Variants in GSK3B observed in about 807,000 individuals in gnomAD.
GSK3B encodes glycogen synthase kinase-3 beta.
A neutral mutation model predicts 56.4 loss-of-function variants in GSK3B; 15 were observed. The ratio of observed to expected loss-of-function variants is 0.27; its 90% confidence interval spans 0.18 to 0.41. The LOEUF (loss-of-function observed/expected upper bound fraction) is 0.41, where lower values mean the gene tolerates loss of function less well. GSK3B is among the 10% of genes least tolerant of loss of function. GSK3B has a pLI of 1.00. For missense variants in GSK3B, 300 were observed against 513.4 expected (o/e 0.58, Z 4.02); for synonymous variants, 181 against 188.9 (o/e 0.96, Z 0.34).
chr3:119,957,941 A>G (rs1204883062), intron 2 of GSK3B, among the ~76,000 whole-genome samples: 1 of 152,176 alleles, frequency 6.6e-6, no homozygotes, highest in Non-Finnish European at 1.5e-5. Context: ...AAGTAGGCAA[A>G]TAAAGATACT....
At chr3:119,948,278 A>T (rs2057119669) in intron 2 of GSK3B, among the ~76,000 whole-genome samples, 1 of 152,172 alleles carries the variant, frequency 6.6e-6, no homozygotes, top group Non-Finnish European at 1.5e-5. Flanking sequence ...GTCAGAAAAG[A>T]GGCCAAGAAG....
chr3:119,914,905 T>C (rs1400209266), intron 5 of GSK3B, among the ~76,000 whole-genome samples: 1 of 152,108 alleles, frequency 6.6e-6, no homozygotes, highest in Non-Finnish European at 1.5e-5. Context: ...CAATATGTTA[T>C]CTATAGAGCT....
chr3:119,913,442 T>C (rs967511605), intron 5 of GSK3B, among the ~76,000 whole-genome samples: 1 of 152,078 alleles, frequency 6.6e-6, no homozygotes, highest in African/African-American at 2.4e-5. Context: ...TTGCATGTTT[T>C]CTTATTCCAA....
intron 1 of GSK3B, among the ~76,000 whole-genome samples, chr3:120,007,979 C>T (rs1434526275): frequency 6.6e-6 from 1 of 151,188 alleles, no homozygotes; most frequent in African/African-American, 2.4e-5. Context: ...GTCAAATTGT[C>T]TCTGTTTGAC....
In GSK3B at chr3:119,947,339, G is replaced by A; in HGVS notation, c.295C>T (p.Gln99Ter). Reference protein sequence around the residue: ...QDKRFKNRELQIMRKLDHCNI... With the variant: ...QDKRFKNREL ...CAGTGATCTAGCTTTCTCATGATCTGGAGCTCTCGATTCTGAAAAGGAAAC... is the reference window on the plus strand; with the variant it reads ...CAGTGATCTAGCTTTCTCATGATCTAGAGCTCTCGATTCTGAAAAGGAAAC... The change falls in exon 3 of 11, where the codon CAG becomes TAG. Residue 99 changes from glutamine to a stop codon, truncating the protein, a stop_gained. Transcript: ENST00000264235. LOFTEE classifies it high-confidence loss of function. The A allele has an allele frequency of 6.3e-7, 1 of 1,591,914 alleles. No individual in the cohort carries two copies. The highest frequency in any genetic ancestry group is 8.6e-7 in the Non-Finnish European group (1 of 1,160,462).
At chr3:119,838,396 A>G (rs1471357785) in intron 10 of GSK3B, among the ~76,000 whole-genome samples, 1 of 152,208 alleles carries the variant, frequency 6.6e-6, no homozygotes, top group African/African-American at 2.4e-5. Context: ...TCTAGATACT[A>G]AAGCATTTTA....
At chr3:119,905,338 A>T (rs139692571) in intron 7 of GSK3B, among the ~76,000 whole-genome samples, 38 of 152,204 alleles carry the variant, frequency 2.5e-4, no homozygotes, top group Admixed American at 8.5e-4. Flanking sequence ...AATACTGAAT[A>T]AATATAAATA....
chr3:119,832,183 T>C (rs2055612507), intron 10 of GSK3B, among the ~76,000 whole-genome samples: 1 of 152,248 alleles, frequency 6.6e-6, no homozygotes, highest in African/African-American at 2.4e-5. Flanking sequence ...GCTGCAATGA[T>C]GTGAGATACT....
intron 10 of GSK3B, among the ~76,000 whole-genome samples, chr3:119,838,781 C>T (rs1397053188): frequency 6.6e-6 from 1 of 151,740 alleles, no homozygotes; most frequent in Non-Finnish European, 1.5e-5. Context: ...TATGTGATTC[C>T]CCTCTCTGTA....
intron 1 of GSK3B, among the ~76,000 whole-genome samples, chr3:120,050,780 GA>G (rs2058142156): frequency 6.6e-6 from 1 of 152,186 alleles, no homozygotes; most frequent in Non-Finnish European, 1.5e-5. Flanking sequence ...CTAGGATTCT[GA>G]AAAGATCTGG....
intron 2 of GSK3B, among the ~76,000 whole-genome samples, chr3:119,977,054 C>T (rs1474821000): frequency 6.6e-6 from 1 of 152,076 alleles, no homozygotes; most frequent in African/African-American, 2.4e-5. Flanking sequence ...TCCATTTTTT[C>T]TCAGTGGAAC....
At chr3:119,842,435 A>G (rs1301785606) in intron 10 of GSK3B, among the ~76,000 whole-genome samples, 1 of 152,086 alleles carries the variant, frequency 6.6e-6, no homozygotes, top group African/African-American at 2.4e-5. Context: ...ATAAGTATAA[A>G]CTTATAATTT....
chr3:119,845,566 A>G (rs2055843404), intron 9 of GSK3B, among the ~76,000 whole-genome samples: 1 of 152,190 alleles, frequency 6.6e-6, no homozygotes, highest in South Asian at 2.1e-4. Flanking sequence ...CACAATTGCT[A>G]CAAAAAGAAT....
At chr3:119,837,318 CT>C (rs1413957127) in intron 10 of GSK3B, among the ~76,000 whole-genome samples, 9 of 90,026 alleles carry the variant, frequency 1.0e-4, no homozygotes, top group Admixed American at 1.6e-4. Flanking sequence ...CTACGCCCGG[CT>C]AATTTTTTTT....
chr3:120,022,822 T>C (rs987863963), intron 1 of GSK3B, among the ~76,000 whole-genome samples: 22 of 152,192 alleles, frequency 1.4e-4, no homozygotes, highest in Non-Finnish European at 2.5e-4. Context: ...GGTCTACAAC[T>C]GGGACTTGGT....
At chr3:119,964,622 T>C (rs983986543) in intron 2 of GSK3B, among the ~76,000 whole-genome samples, 1 of 152,196 alleles carries the variant, frequency 6.6e-6, no homozygotes, top group African/African-American at 2.4e-5. Flanking sequence ...TGGAGAGTTG[T>C]TGTTCAACGG....
chr3:119,930,080 TACACAC>T (rs71619762), intron 3 of GSK3B, among the ~76,000 whole-genome samples: 1,384 of 133,544 alleles, frequency 0.01, 19 homozygotes, highest in African/African-American at 0.024. Flanking sequence ...TTCTGTCTCC[TACACAC>T]ACACACACAC....
At chr3:119,901,939 G>A (rs761830920) in intron 7 of GSK3B, among the ~76,000 whole-genome samples, 1 of 151,922 alleles carries the variant, frequency 6.6e-6, no homozygotes, top group Non-Finnish European at 1.5e-5. Context: ...TTTTTCCAGG[G>A]TTAGTTTCCC....
chr3:119,977,154 C>T (rs868491444), intron 2 of GSK3B, among the ~76,000 whole-genome samples: 9 of 152,078 alleles, frequency 5.9e-5, no homozygotes, highest in African/African-American at 1.4e-4. Flanking sequence ...CCTGAAAATT[C>T]CATTAAAATT....
Sources: allele counts gnomAD v4.1 joint callset (sites outside exome capture counted in the v4.1 genomes callset), GRCh38; gene constraint gnomAD v4.1.1; transcripts MANE v1.5; gene names NCBI Gene and HGNC (gene_info 2026-07-23, HGNC 2026-07-21).